CCDC178: variants seen among roughly 807,000 people sequenced by gnomAD.
CCDC178 encodes the protein coiled-coil domain containing 178, also known as coiled-coil domain-containing protein 178.
In CCDC178, 126 loss-of-function variants were observed where a neutral mutation model predicts 117.4. The ratio of observed to expected loss-of-function variants is 1.07; its 90% CI spans 0.93 to 1.24. The LOEUF (loss-of-function observed/expected upper bound fraction) is 1.24. Among genes scored for constraint, CCDC178 ranks in the 50% most tolerant of loss-of-function variants. The probability of loss-of-function intolerance (pLI) is 0.00; values close to 1 mark genes in which losing one functional copy is unlikely to be tolerated. For synonymous variants in CCDC178, 283 were observed against 313.4 expected (o/e 0.90, Z 1.02); for missense variants, 1,030 against 986.9 (o/e 1.04, Z -0.59).
intron 3 of CCDC178, among the ~76,000 whole-genome samples, chr18:33,401,796 C>A (rs2063712784): frequency 6.6e-6 from 1 of 151,858 alleles, no homozygotes; most frequent in South Asian, 2.1e-4. Context: ...TATATAAAGG[C>A]TTCAGGTTTT....
intron 21 of CCDC178, among the ~76,000 whole-genome samples, chr18:32,976,634 T>C (rs1374934202): frequency 6.6e-6 from 1 of 152,132 alleles, no homozygotes; most frequent in Non-Finnish European, 1.5e-5. Context: ...CAAATATTCC[T>C]GAAAATAATT....
chr18:32,948,695 T>C (rs1367810530), intron 22 of CCDC178, among the ~76,000 whole-genome samples: 1 of 152,156 alleles, frequency 6.6e-6, no homozygotes, highest in Non-Finnish European at 1.5e-5. Flanking sequence ...GTTGGTTTCA[T>C]GCTATTGTCA....
intron 21 of CCDC178, among the ~76,000 whole-genome samples, chr18:33,026,132 C>T (rs1024336796): frequency 6.6e-6 from 1 of 151,994 alleles, no homozygotes; most frequent in Non-Finnish European, 1.5e-5. Flanking sequence ...CTGTATGATC[C>T]CATTTATATG....
At chr18:33,171,898 CTGTTTTT>C (rs1034127087) in intron 20 of CCDC178, among the ~76,000 whole-genome samples, 35 of 152,190 alleles carry the variant, frequency 2.3e-4, no homozygotes, top group African/African-American at 7.7e-4. Flanking sequence ...TGCCAAAATT[CTGTTTTT>C]TGTTTTTTGT....
At chr18:33,122,880 A>G (rs1401898809) in intron 20 of CCDC178, among the ~76,000 whole-genome samples, 1 of 151,960 alleles carries the variant, frequency 6.6e-6, no homozygotes, top group Non-Finnish European at 1.5e-5. Flanking sequence ...TCCTTCAAAC[A>G]CTCTATCCAT....
chr18:33,050,571 AAGCCTT>A (rs2056728590), intron 21 of CCDC178, among the ~76,000 whole-genome samples: 1 of 152,174 alleles, frequency 6.6e-6, no homozygotes, highest in Non-Finnish European at 1.5e-5. Flanking sequence ...AAACAAACCC[AAGCCTT>A]ATGCAATGCA....
intron 21 of CCDC178, among the ~76,000 whole-genome samples, chr18:33,019,412 C>A (rs553836954): frequency 2.0e-5 from 3 of 152,274 alleles, no homozygotes; most frequent in East Asian, 1.9e-4. Context: ...ACAGCTTACT[C>A]TTTTCTTATC....
chr18:33,339,034 G>T (rs1415750102), intron 9 of CCDC178, among the ~76,000 whole-genome samples: 2 of 152,030 alleles, frequency 1.3e-5, no homozygotes, highest in Non-Finnish European at 2.9e-5. Context: ...TATTTGAAAA[G>T]ATATTTTGAA....
intron 15 of CCDC178, among the ~76,000 whole-genome samples, chr18:33,240,654 G>T (rs1404058702): frequency 6.6e-6 from 1 of 151,782 alleles, no homozygotes; most frequent in Non-Finnish European, 1.5e-5. Flanking sequence ...ATTGAATCAA[G>T]AAGAAAAGGA....
chr18:32,966,704 T>G (rs2054821763), intron 22 of CCDC178, among the ~76,000 whole-genome samples: 1 of 151,844 alleles, frequency 6.6e-6, no homozygotes, highest in South Asian at 2.1e-4. Flanking sequence ...TTTGTTCGGA[T>G]TTTGAGTATG....
At chr18:33,334,320 C>T (rs1402337661) in intron 9 of CCDC178, among the ~76,000 whole-genome samples, 1 of 151,932 alleles carries the variant, frequency 6.6e-6, no homozygotes. Flanking sequence ...TGCTATCAAA[C>T]AACACAAAAG....
intron 2 of CCDC178, among the ~76,000 whole-genome samples, chr18:33,426,969 C>T (rs1372630405): frequency 6.6e-6 from 1 of 152,010 alleles, no homozygotes; most frequent in African/African-American, 2.4e-5. Context: ...TTTTAAAGAG[C>T]TTCCAGACTT....
intron 22 of CCDC178, among the ~76,000 whole-genome samples, chr18:32,966,821 T>C (rs988318794): frequency 6.6e-6 from 1 of 151,882 alleles, no homozygotes; most frequent in Non-Finnish European, 1.5e-5. Flanking sequence ...ATGATATATG[T>C]TTACTTTTAT....
At chr18:33,278,470 A>C (rs921729027) in intron 12 of CCDC178, among the ~76,000 whole-genome samples, 3 of 151,846 alleles carry the variant, frequency 2.0e-5, no homozygotes, top group Non-Finnish European at 4.4e-5. Flanking sequence ...TCTAAAAGTA[A>C]CTTCAATTAA....
chr18:33,234,221 A>G (rs1301488897), intron 15 of CCDC178, among the ~76,000 whole-genome samples: 1 of 152,100 alleles, frequency 6.6e-6, no homozygotes, highest in Non-Finnish European at 1.5e-5. Context: ...CCATTGTGGG[A>G]CTTTAATCCT....
intron 6 of CCDC178, among the ~76,000 whole-genome samples, chr18:33,368,024 C>T (rs369726981): frequency 2.0e-5 from 3 of 151,966 alleles, no homozygotes; most frequent in African/African-American, 7.2e-5. Flanking sequence ...TAATATTCTC[C>T]TAAATGAGAA....
At chr18:33,394,760 A>G (rs1056783287) in intron 4 of CCDC178, among the ~76,000 whole-genome samples, 3 of 151,100 alleles carry the variant, frequency 2.0e-5, no homozygotes, top group African/African-American at 4.8e-5. Context: ...TTGAGAAGAA[A>G]TATAATTCAG....
Position 33,267,016 on chromosome 18 carries a change from T to C in CCDC178, c.1309A>G (p.Lys437Glu). 1 of 1,600,650 alleles carries C rather than the reference T, an allele frequency of 6.2e-7. No individual in the cohort carries two copies. The highest frequency in any genetic ancestry group is 8.5e-7 in the Non-Finnish European group (1 of 1,176,134). Residue 437 changes from lysine to glutamate, a missense_variant, in exon 14 of 23, where the codon AAA becomes GAA. By Grantham distance (56) the Lys-to-Glu change is moderately conservative. Transcript: ENST00000383096. ...GCCAAAGAAATAGCTGAAAAATCTT[T>C]TGCAACATCAGAAAGCTCAATATCC... ...TWDIELSDVAKDFSAISLACT... is the reference protein window; with the variant it reads ...TWDIELSDVAEDFSAISLACT...
intron 3 of CCDC178, among the ~76,000 whole-genome samples, chr18:33,405,331 T>C (rs2063766612): frequency 6.6e-6 from 1 of 151,672 alleles, no homozygotes; most frequent in Non-Finnish European, 1.5e-5. Context: ...TAAAAGATAA[T>C]GTATATGAAA....
Sources: allele counts gnomAD v4.1 joint callset (sites outside exome capture counted in the v4.1 genomes callset), GRCh38; gene constraint gnomAD v4.1.1; transcripts MANE v1.5; gene names NCBI Gene and HGNC (gene_info 2026-07-23, HGNC 2026-07-21).